The following LHFPL3 variants were observed in gnomAD, a reference collection of about 807,000 sequenced individuals.
LHFPL3 encodes LHFPL tetraspan subfamily member 3 protein.
A neutral mutation model predicts 19.3 loss-of-function variants in LHFPL3; 5 were observed. The ratio of observed to expected loss-of-function variants is 0.26; its 90% CI spans 0.14 to 0.54. LHFPL3 has a LOEUF of 0.54. LHFPL3 is among the 20% of genes least tolerant of loss of function. The pLI is 0.94. For missense variants in LHFPL3, 249 were observed against 307.4 expected, an observed-to-expected ratio of 0.81 and a Z score of 1.42; for synonymous variants, 133 against 126.2, an observed-to-expected ratio of 1.05 and a Z score of -0.36.
intron 1 of LHFPL3, among the ~76,000 whole-genome samples, chr7:104,599,162 C>T (rs138406915): frequency 6.8e-4 from 104 of 152,252 alleles, no homozygotes; most frequent in Middle Eastern, 3.4e-3. Context: ...TGGCTCACAT[C>T]TGAATGATCA....
chr7:104,639,898 C>T (rs1202977691), intron 1 of LHFPL3, among the ~76,000 whole-genome samples: 1 of 152,100 alleles, frequency 6.6e-6, no homozygotes, highest in Non-Finnish European at 1.5e-5. Context: ...CTTAATTATT[C>T]TATGATCTTT....
At chr7:104,763,035 A>C (rs1256302009) in intron 2 of LHFPL3, among the ~76,000 whole-genome samples, 1 of 152,230 alleles carries the variant, frequency 6.6e-6, no homozygotes, top group African/African-American at 2.4e-5. Flanking sequence ...GTGACAGAGT[A>C]ATGACTTGTT....
intron 1 of LHFPL3, among the ~76,000 whole-genome samples, chr7:104,592,414 C>T (rs946098789): frequency 3.8e-4 from 6 of 15,620 alleles, no homozygotes; most frequent in Non-Finnish European, 1.2e-3. Context: ...GCCTGGGTAT[C>T]ACCAGCGGAG....
At chr7:104,518,461 TA>T (rs1417502894) in intron 1 of LHFPL3, among the ~76,000 whole-genome samples, 1 of 151,760 alleles carries the variant, frequency 6.6e-6, no homozygotes, top group Non-Finnish European at 1.5e-5. Flanking sequence ...CCTTGTTTTT[TA>T]AATAAATGAT....
At chr7:104,729,980 G>C (rs958903091) in intron 1 of LHFPL3, among the ~76,000 whole-genome samples, 47 of 151,676 alleles carry the variant, frequency 3.1e-4, no homozygotes, top group African/African-American at 1.1e-3. Flanking sequence ...CCACCTATGA[G>C]TGAGAACATG....
At chr7:104,427,411 C>T (rs759332770) in intron 1 of LHFPL3, among the ~76,000 whole-genome samples, 6 of 152,236 alleles carry the variant, frequency 3.9e-5, no homozygotes, top group Non-Finnish European at 8.8e-5. Flanking sequence ...TTCCCTTATA[C>T]ATCCTAAAGG....
chr7:104,402,087 CTA>C (rs1491114976), intron 1 of LHFPL3, among the ~76,000 whole-genome samples: 1 of 140,278 alleles, frequency 7.1e-6, no homozygotes, highest in African/African-American at 2.8e-5. Flanking sequence ...ACCGTATAAA[CTA>C]AAAAAAAAAA....
At chr7:104,601,630 G>A (rs1219927683) in intron 1 of LHFPL3, among the ~76,000 whole-genome samples, 2 of 152,160 alleles carry the variant, frequency 1.3e-5, no homozygotes, top group Admixed American at 1.3e-4. Flanking sequence ...CACACAAAGA[G>A]CTGGAATCAG....
intron 1 of LHFPL3, among the ~76,000 whole-genome samples, chr7:104,672,634 G>A (rs1792507705): frequency 6.6e-6 from 1 of 152,178 alleles, no homozygotes; most frequent in South Asian, 2.1e-4. Flanking sequence ...GGACTGACAT[G>A]TGTGTTTCTT....
chr7:104,438,750 T>C (rs1456921466), intron 1 of LHFPL3, among the ~76,000 whole-genome samples: 2 of 151,874 alleles, frequency 1.3e-5, no homozygotes, highest in Non-Finnish European at 2.9e-5. Flanking sequence ...AATAACATAT[T>C]AGGAACAGAG....
At chr7:104,443,705 A>G (rs1295259105) in intron 1 of LHFPL3, among the ~76,000 whole-genome samples, 1 of 152,232 alleles carries the variant, frequency 6.6e-6, no homozygotes, top group African/African-American at 2.4e-5. Context: ...CAGTGCTTCC[A>G]TTTCATATCA....
intron 1 of LHFPL3, among the ~76,000 whole-genome samples, chr7:104,634,292 A>G (rs546543653): frequency 1.3e-5 from 2 of 152,318 alleles, no homozygotes; most frequent in South Asian, 2.1e-4. Context: ...CAGAGTGCCA[A>G]CATGGTTGGT....
At chr7:104,466,697 A>G (rs1792792246) in intron 1 of LHFPL3, among the ~76,000 whole-genome samples, 1 of 152,244 alleles carries the variant, frequency 6.6e-6, no homozygotes, top group East Asian at 1.9e-4. Context: ...ACAGATAAGT[A>G]GAACTGAGTG....
chr7:104,826,017 G>T (rs186987423), intron 2 of LHFPL3, among the ~76,000 whole-genome samples: 1 of 151,906 alleles, frequency 6.6e-6, no homozygotes, highest in African/African-American at 2.4e-5. Flanking sequence ...CAAAGGGGAG[G>T]ATGGATATTG....
intron 1 of LHFPL3, among the ~76,000 whole-genome samples, chr7:104,511,758 A>G (rs1793817804): frequency 6.6e-6 from 1 of 152,126 alleles, no homozygotes; most frequent in Non-Finnish European, 1.5e-5. Flanking sequence ...AGAAATCACC[A>G]CTAAAGATCT....
chr7:104,556,324 G>T (rs1789831241), intron 1 of LHFPL3, among the ~76,000 whole-genome samples: 1 of 152,194 alleles, frequency 6.6e-6, no homozygotes, highest in Non-Finnish European at 1.5e-5. Context: ...CTCTGCCTGG[G>T]CATCCAGGTG....
At position 104,712,806 on chromosome 7, in the gene LHFPL3, G is replaced by A. The variant is rs146523866; in HGVS notation, c.446-23869G>A. ...ACCAAGTTTTTAGTGATTTCTTATA[G>A]CAGCAACAGAAAATTAATACACATT... On this transcript the variant is annotated intron_variant, in intron 1 of 2. Coordinates refer to ENST00000424859, the MANE Select transcript of LHFPL3 (RefSeq NM_199000.3). Among the ~76,000 whole-genome samples, 276 of 152,242 alleles carry A rather than the reference G, an allele frequency of 1.8e-3. 3 individuals carry two copies. The highest frequency in any genetic ancestry group is 6.1e-3 in the African/African-American group (252 of 41,534).
chr7:104,557,843 C>A (rs1402836068), intron 1 of LHFPL3, among the ~76,000 whole-genome samples: 7 of 149,490 alleles, frequency 4.7e-5, no homozygotes, highest in South Asian at 2.1e-4. Context: ...CCCACCCCAC[C>A]ACAGTCCCCA....
At chr7:104,337,589 G>A (rs1363936624) in intron 1 of LHFPL3, among the ~76,000 whole-genome samples, 1 of 151,924 alleles carries the variant, frequency 6.6e-6, no homozygotes, top group East Asian at 1.9e-4. Flanking sequence ...AGAAAGAATA[G>A]GTCATTGTAA....
Sources: allele counts gnomAD v4.1 joint callset (sites outside exome capture counted in the v4.1 genomes callset), GRCh38; gene constraint gnomAD v4.1.1; transcripts MANE v1.5; gene names NCBI Gene and HGNC (gene_info 2026-07-23, HGNC 2026-07-21).